The following CHFR variants were observed in gnomAD, a reference collection of about 807,000 sequenced individuals.
The protein encoded by CHFR is checkpoint with forkhead and ring finger domains, also known as E3 ubiquitin-protein ligase CHFR.
Under a neutral mutation model 87.6 loss-of-function variants are expected in CHFR, and 57 were observed. That is an observed-to-expected ratio of 0.65 (90% CI 0.53 to 0.81). The LOEUF (loss-of-function observed/expected upper bound fraction) is 0.81, where lower values mean the gene tolerates loss of function less well. Ranked by LOEUF, CHFR falls within the 30% of genes least tolerant of loss-of-function variation. CHFR has a pLI of 0.00. For missense variants in CHFR, 797 were observed against 865.8 expected (o/e 0.92, Z 1.00); for synonymous variants, 381 against 359.2 (o/e 1.06, Z -0.69).
intron 6 of CHFR, among the ~76,000 whole-genome samples, chr12:132,868,384 G>GAGGC (rs959235129): frequency 3.3e-5 from 5 of 152,192 alleles, no homozygotes; most frequent in African/African-American, 1.2e-4. Flanking sequence ...CAGCTACTCA[G>GAGGC]AGGCTGAGGC....
intron 7 of CHFR, 66 bp from the exon 8 acceptor site, chr12:132,859,293 T>G: frequency 4.1e-6 from 6 of 1,468,562 alleles, no homozygotes; most frequent in Non-Finnish European, 5.6e-6. Flanking sequence ...CAGGTCAAGG[T>G]CCCCGTCCAC....
At chr12:132,873,844 A>G (rs1647938616) in intron 3 of CHFR, among the ~76,000 whole-genome samples, 1 of 152,176 alleles carries the variant, frequency 6.6e-6, no homozygotes, top group Non-Finnish European at 1.5e-5. Context: ...CCAAACAAAA[A>G]TCTGATTATT....
rs2136894774 is a variant in CHFR at position 132,834,326 on chromosome 12, ATGTTGGG to A, written c.*7221_*7227del. The A allele has an allele frequency of 6.6e-6, 1 of 152,454 alleles. No individual in the cohort carries two copies. The highest frequency in any genetic ancestry group is 2.1e-4 in the South Asian group (1 of 4,828). 9.4% of individuals were successfully genotyped at this position (152,454 alleles called of 1,614,324 possible). A position where few individuals can be genotyped will look rare whatever the true frequency, so the allele number is the denominator to read the frequency against. On this transcript the variant is annotated 3_prime_UTR_variant, in exon 18 of 18. Coordinates refer to ENST00000450056, the MANE Select transcript of CHFR (RefSeq NM_001161346.2). ...GGGAGCAGGGGAGAGGGTGAAGCGGATGTTGGGTGCTCAGCCATGCCCCACACTCCAC... is the reference window on the plus strand; with the variant it reads ...GGGAGCAGGGGAGAGGGTGAAGCGGATGCTCAGCCATGCCCCACACTCCAC...
rs1950699935 is a variant in CHFR, at chr12:132,841,336, C to T, written c.*218G>A. Reference sequence around the variant, plus strand: ...TGATGCCACCACGAGCCCTGCCCAGCGCTCACCAGGAGGGCGGGCTGCGGC... The same window carrying T: ...TGATGCCACCACGAGCCCTGCCCAGTGCTCACCAGGAGGGCGGGCTGCGGC... On this transcript the variant is annotated 3_prime_UTR_variant, in exon 18 of 18. Coordinates refer to ENST00000450056, the MANE Select transcript of CHFR (RefSeq NM_001161346.2). The T allele has an allele frequency of 1.3e-5, 7 of 550,504 alleles. No homozygotes were observed. Among genetic ancestry groups the T allele is most frequent in the East Asian group, 1.2e-4 (4 of 33,294 alleles). 34.1% of individuals were successfully genotyped at this position (550,504 alleles called of 1,614,324 possible).
At chr12:132,881,065 G>A (rs11147139) in intron 2 of CHFR, among the ~76,000 whole-genome samples, 25,808 of 151,934 alleles carry the variant, frequency 0.17, 2,857 homozygotes, top group Admixed American at 0.22. Flanking sequence ...CCAGGACTTC[G>A]AGACCAGCCT....
rs181001509 is a variant in CHFR, at chr12:132,878,711, T to C, written c.134-1057A>G. On this transcript the variant is annotated intron_variant, in intron 2 of 17. Coordinates refer to ENST00000450056, the MANE Select transcript of CHFR (RefSeq NM_001161346.2). The stretch of plus-strand genomic sequence containing the variant: ...GCGGGCGCCTTGTAATCCCAGCTAC[T>C]CAGGAGGATGAGGCAGGAGAATGGC... Among the ~76,000 whole-genome samples, 376 of 149,708 alleles carry C rather than the reference T, an allele frequency of 2.5e-3. 4 individuals carry two copies. Among genetic ancestry groups the C allele is most frequent in the African/African-American group, 9.0e-3 (365 of 40,782 alleles).
intron 5 of CHFR, 72 bp from the exon 6 acceptor site, chr12:132,869,870 A>T (rs1161769176): frequency 6.6e-7 from 1 of 1,512,060 alleles, no homozygotes; most frequent in African/African-American, 1.4e-5. Flanking sequence ...GCACACAACC[A>T]GGGCTCAAGC....
At chr12:132,880,994 C>A (rs1951755359) in intron 2 of CHFR, among the ~76,000 whole-genome samples, 1 of 146,632 alleles carries the variant, frequency 6.8e-6, no homozygotes, top group Admixed American at 6.8e-5. Flanking sequence ...AGGCTGGGGG[C>A]GGTGGTTCAC....
chr12:132,845,471 AATAAAT>A (rs1950799014), intron 15 of CHFR, among the ~76,000 whole-genome samples: 3 of 151,060 alleles, frequency 2.0e-5, no homozygotes, highest in Admixed American at 2.0e-4. Context: ...AAAAAAAATA[AATAAAT>A]AAATAAAAAT....
chr12:132,861,815 G>A lies in CHFR; in HGVS notation c.584-181C>T, dbSNP rs1433912323. The A allele has an allele frequency of 8.5e-6, 5 of 588,238 alleles. No individual in the cohort carries two copies. The East Asian group carries it at 1.4e-4, about 17-fold the overall frequency. 36.4% of individuals were successfully genotyped at this position (588,238 alleles called of 1,614,324 possible). ...CAACTCACATCTTAACTCTATTTGT[G>A]CCTATCTCTACGTGGGGTGGAGCTG... On this transcript the variant is annotated intron_variant, in intron 6 of 17. Coordinates refer to ENST00000450056, the MANE Select transcript of CHFR (RefSeq NM_001161346.2).
chr12:132,862,350 T>C (rs1951230365), intron 6 of CHFR: 1 of 413,158 alleles, frequency 2.4e-6, no homozygotes, highest in South Asian at 1.7e-5. Context: ...CACAATACTT[T>C]GGGAGGCCAA....
At chr12:132,873,575 G>A (rs1951544215) in intron 3 of CHFR, among the ~76,000 whole-genome samples, 2 of 150,894 alleles carry the variant, frequency 1.3e-5, no homozygotes, top group South Asian at 4.3e-4. Flanking sequence ...ACACGGACTT[G>A]GGTGCATGCA....
rs761337268 is a variant in CHFR at position 132,856,574 on chromosome 12, G to C, written c.1123C>G (p.Gln375Glu). The change falls in exon 10 of 18, where the codon CAA becomes GAA. Residue 375 changes from glutamine (Q) to glutamate (E), a missense_variant. Gln to Glu is a conservative substitution (Grantham distance 29). This residue lies in a region of CHFR where 597 missense variants were observed against 601.2 expected (regional missense o/e 0.99). Transcript: ENST00000450056. Reference protein sequence around the residue: ...QSMDARNKITQDMLQPKVRRS... With the variant: ...QSMDARNKITEDMLQPKVRRS... ...CTGACTTTGGGCTGCAGCATGTCTT[G>C]AGTGATTTTATTTCTGGCATCCATA... 1.2e-6 allele frequency: 2 copies of C among 1,614,154 alleles called. No individual in the cohort carries two copies. The highest frequency in any genetic ancestry group is 1.7e-6 in the Non-Finnish European group (2 of 1,179,964).
At chr12:132,870,666 CA>C (rs1441315744) in intron 5 of CHFR, 57 bp downstream of exon 5, 2 of 1,257,400 alleles carry the variant, frequency 1.6e-6, no homozygotes, top group East Asian at 2.4e-5. Flanking sequence ...TCTCAAAACA[CA>C]AAAGGAATGC....
Position 132,880,892 on chromosome 12 carries a change from G to T in CHFR, c.134-3238C>A, listed in dbSNP as rs147596604. Reference sequence around the variant, plus strand: ...AGGCAGGAGAATGGTGGGAACCCAGGAAGCGGAGGTTACAGTGAGCCGAGA... The same window carrying T: ...AGGCAGGAGAATGGTGGGAACCCAGTAAGCGGAGGTTACAGTGAGCCGAGA... On this transcript the variant is annotated intron_variant, in intron 2 of 17. Transcript: ENST00000450056. 4.7e-3 allele frequency among the ~76,000 whole-genome samples: 716 copies of T among 152,080 alleles called. 3 individuals carry two copies. The highest frequency in any genetic ancestry group is 8.5e-3 in the Non-Finnish European group (577 of 67,984).
chr12:132,862,287 AT>A (rs1188290277), intron 6 of CHFR: 10 of 254,900 alleles, frequency 3.9e-5, no homozygotes, highest in South Asian at 3.4e-4. Flanking sequence ...GGAAAAAAAA[AT>A]AAAAATAAAA....
chr12:132,877,841 C>T (rs557834827), intron 2 of CHFR, among the ~76,000 whole-genome samples, 187 bp from the exon 3 acceptor site: 75 of 151,930 alleles, frequency 4.9e-4, no homozygotes, highest in Non-Finnish European at 2.5e-4. Flanking sequence ...CTCGCTCTGT[C>T]GCCCAGGCTG....
Position 132,846,411 on chromosome 12 carries a change from C to T in CHFR, c.1735+632G>A, listed in dbSNP as rs558653207. Among the ~76,000 whole-genome samples the T allele has an allele frequency of 9.9e-5, 15 of 152,010 alleles. No individual in the cohort carries two copies. In the East Asian group the frequency reaches 2.0e-3, roughly 20 times the overall value. On this transcript the variant is annotated intron_variant, in intron 15 of 17. Coordinates refer to ENST00000450056, the MANE Select transcript of CHFR (RefSeq NM_001161346.2). Reference sequence around the variant, plus strand: ...CCGAGTAGCTGGGACTACAGGCGCCCGCCACCACGCCCGGCTAATTTTTTG... The same window carrying T: ...CCGAGTAGCTGGGACTACAGGCGCCTGCCACCACGCCCGGCTAATTTTTTG...
rs913453775 is a variant in CHFR, at chr12:132,861,370, C to A, written c.751+97G>T. On this transcript the variant is annotated intron_variant, in intron 7 of 17. Coordinates refer to ENST00000450056, the MANE Select transcript of CHFR (RefSeq NM_001161346.2). Reference sequence around the variant, plus strand: ...CTGAGGCAGGGTCCACATGCCCCTGCAGGAAGCAATGCCCCACAGCACGGA... The same window carrying A: ...CTGAGGCAGGGTCCACATGCCCCTGAAGGAAGCAATGCCCCACAGCACGGA... 3.9e-6 allele frequency: 5 copies of A among 1,273,014 alleles called. No individual in the cohort carries two copies. The African/African-American group carries it at 5.9e-5, about 15-fold the overall frequency. 78.9% of individuals were successfully genotyped at this position (1,273,014 alleles called of 1,614,324 possible).
Sources: gnomAD v4.1 joint callset for allele counts (sites outside exome capture counted in the v4.1 genomes callset) on GRCh38, gnomAD v4.1.1 for gene constraint, gnomAD v4.1.1 regional missense constraint, MANE v1.5 for transcripts, NCBI Gene and HGNC (gene_info 2026-07-23, HGNC 2026-07-21) for gene names.